Variants in C8orf34 observed in about 807,000 individuals in gnomAD.
C8orf34 encodes uncharacterized protein C8orf34.
C8orf34 carries 65 observed loss-of-function variants against 68.3 expected under a neutral mutation model. The ratio of observed to expected loss-of-function variants is 0.95; its 90% CI spans 0.78 to 1.17. The LOEUF (loss-of-function observed/expected upper bound fraction) is 1.17. Ranked by LOEUF, C8orf34 falls within the 50% of genes most tolerant of loss-of-function variation. The probability of loss-of-function intolerance (pLI) is 0.00; values close to 1 mark genes in which losing one functional copy is unlikely to be tolerated. For synonymous variants in C8orf34, 244 were observed against 241.2 expected (o/e 1.01, Z -0.11); for missense variants, 664 against 655.4 (o/e 1.01, Z -0.14).
intron 1 of C8orf34, among the ~76,000 whole-genome samples, chr8:68,355,600 C>T (rs1806712231): frequency 6.6e-6 from 1 of 152,196 alleles, no homozygotes; most frequent in Non-Finnish European, 1.5e-5. Context: ...TGAAGGCTGC[C>T]TTCTGGTATC....
intron 1 of C8orf34, among the ~76,000 whole-genome samples, chr8:68,336,095 G>GA (rs57494049): frequency 0.011 from 1,714 of 151,052 alleles, 32 homozygotes; most frequent in African/African-American, 0.039. Flanking sequence ...ACAAAAAAAA[G>GA]AAAAAAAATA....
chr8:68,660,401 G>T (rs1051685618), intron 8 of C8orf34, among the ~76,000 whole-genome samples: 1 of 152,122 alleles, frequency 6.6e-6, no homozygotes, highest in Non-Finnish European at 1.5e-5. Flanking sequence ...ACTGCCCATG[G>T]GTGCCAATGC....
At chr8:68,672,001 A>G (rs1820027099) in intron 8 of C8orf34, among the ~76,000 whole-genome samples, 1 of 152,216 alleles carries the variant, frequency 6.6e-6, no homozygotes, top group Non-Finnish European at 1.5e-5. Flanking sequence ...ACAGATTAAC[A>G]AGAGGAAAAA....
intron 8 of C8orf34, among the ~76,000 whole-genome samples, chr8:68,645,904 G>C (rs1819156084): frequency 6.6e-6 from 1 of 152,014 alleles, no homozygotes; most frequent in Non-Finnish European, 1.5e-5. Context: ...TTGGCATGTT[G>C]GGTACTTTGA....
chr8:68,670,063 G>C (rs1251362113), intron 8 of C8orf34, among the ~76,000 whole-genome samples: 2 of 152,070 alleles, frequency 1.3e-5, no homozygotes, highest in African/African-American at 4.8e-5. Flanking sequence ...AGCCTCCCTG[G>C]TCAGCAGCTC....
chr8:68,417,287 A>C (rs1468760524), intron 1 of C8orf34, among the ~76,000 whole-genome samples: 4 of 152,132 alleles, frequency 2.6e-5, no homozygotes, highest in Admixed American at 2.6e-4. Context: ...GTTTACTTTT[A>C]AGTCTCCAGG....
intron 9 of C8orf34, among the ~76,000 whole-genome samples, chr8:68,714,141 T>G (rs1821403075): frequency 6.6e-6 from 1 of 152,078 alleles, no homozygotes; most frequent in Non-Finnish European, 1.5e-5. Flanking sequence ...GTTCATACCT[T>G]AAGGTAAAAA....
At chr8:68,477,358 C>T (rs984556128) in intron 4 of C8orf34, among the ~76,000 whole-genome samples, 12 of 152,314 alleles carry the variant, frequency 7.9e-5, no homozygotes, top group African/African-American at 2.9e-4. Flanking sequence ...GTTGACATGG[C>T]CCATGCCTGG....
At chr8:68,392,371 G>A (rs1808512927) in intron 1 of C8orf34, among the ~76,000 whole-genome samples, 1 of 151,868 alleles carries the variant, frequency 6.6e-6, no homozygotes, top group South Asian at 2.1e-4. Context: ...TTTACTGGGA[G>A]CATAGAGGAT....
At chr8:68,604,081 G>A (rs948450157) in intron 7 of C8orf34, among the ~76,000 whole-genome samples, 8 of 152,106 alleles carry the variant, frequency 5.3e-5, no homozygotes, top group African/African-American at 1.4e-4. Context: ...TCAAATTATT[G>A]TATGGAAAGC....
chr8:68,700,433 G>A (rs2130932797), intron 8 of C8orf34, among the ~76,000 whole-genome samples: 1 of 152,282 alleles, frequency 6.6e-6, no homozygotes, highest in East Asian at 1.9e-4. Context: ...GGAAGAACAT[G>A]CTGAAGAACT....
chr8:68,735,436 G>A (rs78770731), intron 10 of C8orf34, among the ~76,000 whole-genome samples: 12,588 of 152,192 alleles, frequency 0.083, 564 homozygotes, highest in Middle Eastern at 0.17. Flanking sequence ...TTTCTAGTAA[G>A]CATTTTTGGG....
chr8:68,526,270 C>A (rs768707117), intron 6 of C8orf34, among the ~76,000 whole-genome samples: 57 of 152,082 alleles, frequency 3.7e-4, no homozygotes, highest in Admixed American at 3.9e-4. Flanking sequence ...AGATAAATTT[C>A]TTTTTAAAGC....
At chr8:68,791,070 A>G (rs530410915) in intron 12 of C8orf34, 9 of 587,704 alleles carry the variant, frequency 1.5e-5, no homozygotes, top group Non-Finnish European at 2.4e-5. Context: ...TTGAAGAAAT[A>G]TACATGGAGA....
At chr8:68,786,854 C>T (rs1298711737) in intron 11 of C8orf34, among the ~76,000 whole-genome samples, 1 of 152,138 alleles carries the variant, frequency 6.6e-6, no homozygotes, top group African/African-American at 2.4e-5. Flanking sequence ...GGATATGATA[C>T]ATGATCCTGG....
In C8orf34 at chr8:68,520,617, ATTTTTTT is replaced by A. The variant is rs34335751; in HGVS notation, c.766-1169_766-1163del. Among the ~76,000 whole-genome samples the A allele has an allele frequency of 8.1e-3, 1,085 of 134,238 alleles. 19 individuals carry two copies. The highest frequency in any genetic ancestry group is 0.028 in the African/African-American group (1,030 of 36,266). 88.1% of individuals were successfully genotyped at this position (134,238 alleles called of 152,430 possible). On this transcript the variant is annotated intron_variant, in intron 5 of 13. Coordinates refer to ENST00000518698, the MANE Select transcript of C8orf34 (RefSeq NM_052958.4). ...AGGTGCCCGCCATCACGCCCGGCTA[ATTTTTTT>A]TTTTTTTTTTTTGTATTTTTAGTAG...
intron 8 of C8orf34, among the ~76,000 whole-genome samples, chr8:68,681,932 A>T (rs1453158992): frequency 6.6e-6 from 1 of 152,206 alleles, no homozygotes; most frequent in African/African-American, 2.4e-5. Context: ...CAAACTTTAC[A>T]TATTCTCACT....
intron 1 of C8orf34, among the ~76,000 whole-genome samples, chr8:68,411,090 C>A (rs1030124673): frequency 6.6e-6 from 1 of 152,126 alleles, no homozygotes; most frequent in Non-Finnish European, 1.5e-5. Context: ...TTTTCCCATG[C>A]TATTGTGTTT....
At chr8:68,387,326 G>T (rs569861636) in intron 1 of C8orf34, among the ~76,000 whole-genome samples, 27 of 152,062 alleles carry the variant, frequency 1.8e-4, no homozygotes, top group Non-Finnish European at 3.4e-4. Context: ...GGATGTGTAA[G>T]GTATTAGTTA....
Sources: gnomAD v4.1 joint callset for allele counts (sites outside exome capture counted in the v4.1 genomes callset) on GRCh38, gnomAD v4.1.1 for gene constraint, MANE v1.5 for transcripts, NCBI Gene and HGNC (gene_info 2026-07-23, HGNC 2026-07-21) for gene names.